MLIP: variants seen among roughly 807,000 people sequenced by gnomAD.
The protein encoded by MLIP is muscular LMNA interacting protein, also known as muscular LMNA-interacting protein.
MLIP carries 79 observed loss-of-function variants against 84.8 expected under a neutral mutation model. That is an observed-to-expected ratio of 0.93 (90% CI 0.78 to 1.12). The LOEUF (loss-of-function observed/expected upper bound fraction) is 1.12. Ranked by LOEUF, MLIP falls within the 50% of genes most tolerant of loss-of-function variation. The pLI is 0.00. For synonymous variants in MLIP, 504 were observed against 463.0 expected (o/e 1.09, Z -1.14); for missense variants, 1,257 against 1,160.6 (o/e 1.08, Z -1.21).
intron 1 of MLIP, among the ~76,000 whole-genome samples, chr6:54,059,464 G>A (rs548355302): frequency 2.6e-5 from 4 of 152,212 alleles, no homozygotes; most frequent in African/African-American, 9.6e-5. Context: ...TCTAAATTGA[G>A]AAATTAATAT....
intron 1 of MLIP, among the ~76,000 whole-genome samples, chr6:54,044,442 A>T (rs895302945): frequency 6.6e-6 from 1 of 152,200 alleles, no homozygotes; most frequent in African/African-American, 2.4e-5. Flanking sequence ...TGTGTCCAAG[A>T]TCTCTCAATA....
intron 9 of MLIP, among the ~76,000 whole-genome samples, chr6:54,176,607 G>A (rs1776309914): frequency 6.6e-6 from 1 of 151,784 alleles, no homozygotes; most frequent in Non-Finnish European, 1.5e-5. Context: ...AATCAATATT[G>A]GGAAAATGGC....
At chr6:54,117,855 A>G (rs1013362744) in intron 1 of MLIP, among the ~76,000 whole-genome samples, 3 of 152,104 alleles carry the variant, frequency 2.0e-5, no homozygotes, top group East Asian at 2.0e-4. Context: ...CTGAAGCAGG[A>G]GAATGGCATG....
intron 1 of MLIP, among the ~76,000 whole-genome samples, chr6:54,105,563 A>C: frequency 6.6e-6 from 1 of 152,208 alleles, no homozygotes; most frequent in East Asian, 1.9e-4. Context: ...CCTTGCCCTC[A>C]TGGTGATTAA....
chr6:54,248,495 G>A (rs891961171), intron 12 of MLIP, among the ~76,000 whole-genome samples: 1 of 151,936 alleles, frequency 6.6e-6, no homozygotes, highest in African/African-American at 2.4e-5. Context: ...TAGGGAAGTG[G>A]TTTTCTAGTT....
chr6:54,069,574 T>C lies in MLIP; in HGVS notation c.63+50483T>C, dbSNP rs559547021. Among the ~76,000 whole-genome samples the C allele has an allele frequency of 3.0e-5, 3 of 99,732 alleles. 1 individual carries two copies. The highest frequency in any genetic ancestry group is 8.6e-5 in the Non-Finnish European group (3 of 34,794). The allele number at this position is 99,732 out of a possible 152,430, so 65.4% of individuals were successfully genotyped here. A position where few individuals can be genotyped will look rare whatever the true frequency, so the allele number is the denominator to read the frequency against. On this transcript the variant is annotated intron_variant, in intron 1 of 12. Transcript: ENST00000274897. ...TGCACATCCTCCCAGGTACATTAAATCATCTCTAGATTACTTATAATACCT... is the reference window on the plus strand; with the variant it reads ...TGCACATCCTCCCAGGTACATTAAACCATCTCTAGATTACTTATAATACCT...
At chr6:54,020,074 C>T (rs1390158205) in intron 1 of MLIP, among the ~76,000 whole-genome samples, 1 of 152,182 alleles carries the variant, frequency 6.6e-6, no homozygotes, top group Non-Finnish European at 1.5e-5. Context: ...GAGTATTTTC[C>T]TTTCTGACTA....
intron 1 of MLIP, among the ~76,000 whole-genome samples, chr6:54,028,044 A>G (rs1478089133): frequency 6.6e-6 from 1 of 152,084 alleles, no homozygotes; most frequent in South Asian, 2.1e-4. Context: ...TGACAAATAG[A>G]CTGTGGTATT....
chr6:54,099,429 G>A (rs1350433065), intron 1 of MLIP: 3 of 151,982 alleles, frequency 2.0e-5, no homozygotes, highest in African/African-American at 7.3e-5. Flanking sequence ...TCAATTGAAT[G>A]TCATTAGAAT....
intron 3 of MLIP, among the ~76,000 whole-genome samples, chr6:54,134,214 C>T (rs1771620807): frequency 6.6e-6 from 1 of 152,112 alleles, no homozygotes; most frequent in Non-Finnish European, 1.5e-5. Flanking sequence ...GAGAATTTGA[C>T]AGGTGCCCAT....
At chr6:54,102,071 T>A (rs1371061450) in intron 1 of MLIP, among the ~76,000 whole-genome samples, 1 of 152,114 alleles carries the variant, frequency 6.6e-6, no homozygotes, top group Admixed American at 6.6e-5. Flanking sequence ...TAAATGTATA[T>A]CTCTAAAGTA....
intron 10 of MLIP, among the ~76,000 whole-genome samples, chr6:54,193,724 C>T (rs2150688422): frequency 6.6e-6 from 1 of 152,136 alleles, no homozygotes; most frequent in Non-Finnish European, 1.5e-5. Context: ...AGTTAGAGTA[C>T]TGAAGTTTTC....
At chr6:54,179,761 T>C (rs1476742168) in intron 9 of MLIP, among the ~76,000 whole-genome samples, 1 of 152,164 alleles carries the variant, frequency 6.6e-6, no homozygotes, top group Non-Finnish European at 1.5e-5. Context: ...TATTATACTA[T>C]GTCTTAGAAA....
chr6:54,107,965 C>T (rs564955288), upstream of MLIP, among the ~76,000 whole-genome samples: 1 of 147,840 alleles, frequency 6.8e-6, no homozygotes, highest in East Asian at 2.0e-4. Context: ...TAATCTATTT[C>T]TTTTTTCTCA....
chr6:54,164,140 T>A (rs1042990089), intron 8 of MLIP, among the ~76,000 whole-genome samples: 7 of 151,948 alleles, frequency 4.6e-5, no homozygotes, highest in African/African-American at 1.4e-4. Flanking sequence ...ATTTTTTTCT[T>A]ACATATTTTG....
At chr6:54,254,549 G>T (rs993579892) in intron 12 of MLIP, among the ~76,000 whole-genome samples, 5 of 151,936 alleles carry the variant, frequency 3.3e-5, no homozygotes, top group Non-Finnish European at 5.9e-5. Flanking sequence ...TCTGCAGTTG[G>T]CAGAGGTTTT....
Position 54,124,722 on chromosome 6 carries a change from G to T in MLIP, c.502G>T (p.Ala168Ser), listed in dbSNP as rs139088144. 1 of 1,614,028 alleles carries T rather than the reference G, an allele frequency of 6.2e-7. No individual in the cohort carries two copies. The highest frequency in any genetic ancestry group is 8.5e-7 in the Non-Finnish European group (1 of 1,180,032). Reference sequence around the variant, plus strand: ...AGGCCCCCCAGGGGGGATTGGCACCGCAGCTGTCCGGCCCAAGTCTCTAGC... The same window carrying T: ...AGGCCCCCCAGGGGGGATTGGCACCTCAGCTGTCCGGCCCAAGTCTCTAGC... ...EQGPPGGIGTAAVRPKSLAIS... is the reference protein window; with the variant it reads ...EQGPPGGIGTSAVRPKSLAIS... Residue 168 changes from alanine (A) to serine (S), a missense_variant, in exon 3 of 14, where the codon GCA becomes TCA. By Grantham distance (99) the Ala-to-Ser change is moderately conservative. Coordinates refer to ENST00000502396, the MANE Select transcript of MLIP (RefSeq NM_001281747.2).
chr6:54,107,793 C>T (rs554758148), upstream of MLIP, among the ~76,000 whole-genome samples: 10 of 152,228 alleles, frequency 6.6e-5, no homozygotes, highest in South Asian at 8.3e-4. Flanking sequence ...AGCTTAGAAT[C>T]GTGACTGGCA....
chr6:54,176,997 G>T (rs899480792), intron 9 of MLIP, among the ~76,000 whole-genome samples: 2 of 151,876 alleles, frequency 1.3e-5, no homozygotes, highest in African/African-American at 4.8e-5. Context: ...TTGGCTAGCC[G>T]TAAGCAGAAA....
Sources: gnomAD v4.1 joint callset for allele counts (sites outside exome capture counted in the v4.1 genomes callset) on GRCh38, gnomAD v4.1.1 for gene constraint, MANE v1.5 for transcripts, NCBI Gene and HGNC (gene_info 2026-07-23, HGNC 2026-07-21) for gene names.